The following ARK2C variants were observed in gnomAD, a reference collection of about 807,000 sequenced individuals.
ARK2C encodes E3 ubiquitin-protein ligase ARK2C.
the ARK2C span, among the ~76,000 whole-genome samples, chr18:46,448,108 G>A: frequency 2.7e-5 from 4 of 145,762 alleles, no homozygotes; most frequent in Non-Finnish European, 3.0e-5. Context: ...GCTCCCCTGC[G>A]CTCCGGATTC....
At chr18:46,448,258 CCCTTGTGCCCTGGCCT>C in the ARK2C span, among the ~76,000 whole-genome samples, 1 of 151,878 alleles carries the variant, frequency 6.6e-6, no homozygotes, top group South Asian at 2.1e-4. Flanking sequence ...TGCCCTGACT[CCCTTGTGCCCTGGCCT>C]TCTTGTGCCC....
chr18:46,403,950 C>CCCAT, the ARK2C span, among the ~76,000 whole-genome samples: 2 of 152,112 alleles, frequency 1.3e-5, no homozygotes, highest in Non-Finnish European at 2.9e-5. Context: ...CTTGGGTGAC[C>CCCAT]CCATCATAGA....
At chr18:46,334,510 C>T in the ARK2C span, 1 of 510,138 alleles carries the variant, frequency 2.0e-6, no homozygotes, top group East Asian at 3.5e-5. The surrounding 1 kb of genome is among the most constrained non-coding windows in gnomAD (Gnocchi z 4.4). Flanking sequence ...GGGCGGCCGC[C>T]CTCGTGGGAG....
the ARK2C span, chr18:46,450,296 G>T: frequency 6.2e-7 from 1 of 1,611,278 alleles, no homozygotes; most frequent in Non-Finnish European, 8.5e-7. Context: ...TACCCAACAG[G>T]TCGTCCATGA....
At chr18:46,425,364 C>CA in the ARK2C span, among the ~76,000 whole-genome samples, 1 of 152,224 alleles carries the variant, frequency 6.6e-6, no homozygotes, top group Admixed American at 6.5e-5. Flanking sequence ...TGCCCACCAG[C>CA]AGAAGGCCAT....
At chr18:46,435,267 C>G in the ARK2C span, 1 of 1,607,722 alleles carries the variant, frequency 6.2e-7, no homozygotes, top group Non-Finnish European at 8.5e-7. Flanking sequence ...GACACGAGGG[C>G]TCTCCATCCC....
At chr18:46,446,217 A>G in the ARK2C span, among the ~76,000 whole-genome samples, 10,962 of 152,260 alleles carry the variant, frequency 0.072, 443 homozygotes, top group African/African-American at 0.09. Context: ...CTTTAGGGGA[A>G]GCAAAATGAT....
chr18:46,442,273 A>G, the ARK2C span, among the ~76,000 whole-genome samples: 1 of 151,658 alleles, frequency 6.6e-6, no homozygotes, highest in Non-Finnish European at 1.5e-5. Flanking sequence ...CCTCCCTTCT[A>G]CTTATTTGGG....
chr18:46,377,386 G>A, the ARK2C span, among the ~76,000 whole-genome samples: 1 of 152,146 alleles, frequency 6.6e-6, no homozygotes, highest in South Asian at 2.1e-4. Context: ...GTCTTTCAGT[G>A]AGGCCAAGAG....
chr18:46,417,779 G>A, the ARK2C span, among the ~76,000 whole-genome samples: 15 of 152,298 alleles, frequency 9.8e-5, no homozygotes, highest in Non-Finnish European at 1.9e-4. Flanking sequence ...CGAGGCAGGT[G>A]GATCACCTGA....
the ARK2C span, among the ~76,000 whole-genome samples, chr18:46,340,061 G>C: frequency 2.0e-5 from 3 of 152,330 alleles, no homozygotes; most frequent in South Asian, 6.2e-4. Flanking sequence ...TGTGACTTTG[G>C]TTCCCTCAAT....
the ARK2C span, among the ~76,000 whole-genome samples, chr18:46,372,077 G>A: frequency 2.0e-5 from 3 of 152,158 alleles, no homozygotes; most frequent in Non-Finnish European, 2.9e-5. Context: ...TAGAAGAAAG[G>A]GACTGGCATC....
chr18:46,422,594 C>T, the ARK2C span, among the ~76,000 whole-genome samples: 1 of 152,374 alleles, frequency 6.6e-6, no homozygotes, highest in East Asian at 1.9e-4. Context: ...TACTGCCATG[C>T]TTCTTCCCCC....
chr18:46,379,149 C>A, the ARK2C span, among the ~76,000 whole-genome samples: 1 of 152,200 alleles, frequency 6.6e-6, no homozygotes, highest in Non-Finnish European at 1.5e-5. Flanking sequence ...GGCCCCCCAA[C>A]CCTCTGATTT....
At chr18:46,453,075 T>G in the ARK2C span, among the ~76,000 whole-genome samples, 1 of 152,222 alleles carries the variant, frequency 6.6e-6, no homozygotes, top group African/African-American at 2.4e-5. Context: ...CTAACCCATG[T>G]GCTGGTGGTG....
At chr18:46,433,250 G>GC in the ARK2C span, 3 of 1,607,154 alleles carry the variant, frequency 1.9e-6, no homozygotes, top group Non-Finnish European at 8.5e-7. Flanking sequence ...TTCCACCTGG[G>GC]CCCCCCGCAG....
the ARK2C span, among the ~76,000 whole-genome samples, chr18:46,355,588 C>T: frequency 2.6e-5 from 4 of 152,322 alleles, no homozygotes; most frequent in East Asian, 5.8e-4. Context: ...ATCTGAGGAC[C>T]GCCTATTTTT....
chr18:46,339,784 AT>A, the ARK2C span, among the ~76,000 whole-genome samples: 2 of 152,266 alleles, frequency 1.3e-5, no homozygotes, highest in African/African-American at 4.8e-5. Flanking sequence ...AGTTACTCAA[AT>A]TTAGGGAAAA....
chr18:46,346,658 T>C, the ARK2C span, among the ~76,000 whole-genome samples: 2 of 151,942 alleles, frequency 1.3e-5, no homozygotes, highest in Non-Finnish European at 2.9e-5. Context: ...TGTCACAGAG[T>C]GGTGAGGATG....
Sources: gnomAD v4.1 joint callset for allele counts (sites outside exome capture counted in the v4.1 genomes callset) on GRCh38, gnomAD v4.1.1 for gene constraint, Gnocchi (gnomAD v3.1) non-coding constraint, MANE v1.5 for transcripts, NCBI Gene and HGNC (gene_info 2026-07-23, HGNC 2026-07-21) for gene names.